The following ADCY5 variants were observed in gnomAD, a reference collection of about 807,000 sequenced individuals.
ADCY5 encodes adenylate cyclase 5.
In ADCY5, 30 loss-of-function variants were observed where a neutral mutation model predicts 119.7. That is an observed-to-expected ratio of 0.25 (90% CI 0.19 to 0.34). The LOEUF is 0.34. ADCY5 is among the 10% of genes least tolerant of loss of function. ADCY5 has a pLI of 1.00. For missense variants in ADCY5, 1,324 were observed against 1,775.2 expected (o/e 0.75, Z 4.57); for synonymous variants, 753 against 762.2 (o/e 0.99, Z 0.20).
In ADCY5 at chr3:123,284,049, CTGTG is replaced by C. The variant is rs898206917; in HGVS notation, c.*555_*558del. ...TTCTGTTTCCCTCCTAGGGCACTGTCTGTGTGCGTGGAGGTGTGGGCAGAGGACC... is the reference window on the plus strand; with the variant it reads ...TTCTGTTTCCCTCCTAGGGCACTGTCTGCGTGGAGGTGTGGGCAGAGGACC... On this transcript the variant is annotated 3_prime_UTR_variant, in exon 21 of 21. Coordinates refer to ENST00000462833, the MANE Select transcript of ADCY5 (RefSeq NM_183357.3). The C allele has an allele frequency of 6.6e-6, 1 of 152,580 alleles. No individual in the cohort carries two copies. The highest frequency in any genetic ancestry group is 1.5e-5 in the Non-Finnish European group (1 of 68,318). 9.5% of individuals were successfully genotyped at this position (152,580 alleles called of 1,614,324 possible).
At chr3:123,291,039 TTCACATCCCTCC>T (rs1247474852) in intron 18 of ADCY5, 62 bp downstream of exon 18, 28 of 1,527,292 alleles carry the variant, frequency 1.8e-5, no homozygotes, top group Non-Finnish European at 2.5e-5. Context: ...GCCAGGTCTC[TTCACATCCCTCC>T]CATACCAGGG....
intron 3 of ADCY5, among the ~76,000 whole-genome samples, chr3:123,334,701 GC>G: frequency 6.6e-6 from 1 of 152,280 alleles, no homozygotes; most frequent in East Asian, 1.9e-4. Flanking sequence ...CAGTGCCACT[GC>G]ACTCCAGCCT....
chr3:123,323,563 C>A (rs1941331272), intron 8 of ADCY5, among the ~76,000 whole-genome samples: 1 of 152,094 alleles, frequency 6.6e-6, no homozygotes, highest in Non-Finnish European at 1.5e-5. Flanking sequence ...TCCCCAGCTT[C>A]CCCTCCACTT....
At chr3:123,402,386 A>C (rs985062215) in intron 1 of ADCY5, among the ~76,000 whole-genome samples, 34 of 152,230 alleles carry the variant, frequency 2.2e-4, no homozygotes, top group Non-Finnish European at 4.3e-4. Flanking sequence ...TCTTGGGATC[A>C]AATCTGGCTG....
chr3:123,392,925 G>A (rs1296889735), intron 1 of ADCY5, among the ~76,000 whole-genome samples: 2 of 152,166 alleles, frequency 1.3e-5, no homozygotes, highest in Non-Finnish European at 2.9e-5. Context: ...GATTGTTCAA[G>A]TGGTGTCTGT....
intron 3 of ADCY5, among the ~76,000 whole-genome samples, chr3:123,343,395 G>A (rs114212879): frequency 0.031 from 4,752 of 152,244 alleles, 262 homozygotes; most frequent in African/African-American, 0.11. Flanking sequence ...TACAGGTGAG[G>A]AAACTGAGGC....
intron 3 of ADCY5, among the ~76,000 whole-genome samples, chr3:123,336,152 G>T (rs1246195288): frequency 4.6e-5 from 7 of 152,220 alleles, no homozygotes; most frequent in Admixed American, 4.6e-4. Context: ...TGGCCCAGAG[G>T]TAGACTATGC....
At chr3:123,284,804 A>C in intron 20 of ADCY5, 68 bp from the exon 21 acceptor site, 11 of 1,601,126 alleles carry the variant, frequency 6.9e-6, no homozygotes, top group Non-Finnish European at 8.5e-6. Flanking sequence ...TGTGGGGTAG[A>C]GCCACCTCTG....
intron 14 of ADCY5, 143 bp downstream of exon 14, chr3:123,302,912 A>T: frequency 3.2e-6 from 3 of 933,990 alleles, no homozygotes; most frequent in Non-Finnish European, 4.8e-6. Flanking sequence ...TGTAGGAGTG[A>T]GAGATACTGG....
In ADCY5 at chr3:123,369,426, G is replaced by GA. The variant is rs1332321958; in HGVS notation, c.1135-16846dup. 6.6e-5 allele frequency among the ~76,000 whole-genome samples: 10 copies of GA among 152,350 alleles called. No homozygotes were observed. The Middle Eastern group carries it at 0.017, about 259-fold the overall frequency. On this transcript the variant is annotated intron_variant, in intron 1 of 20. Coordinates refer to ENST00000462833, the MANE Select transcript of ADCY5 (RefSeq NM_183357.3). ...GCCCAGGCCCACATCAGAATTAAAT[G>GA]AAAGATGAGTGTGGTACTAACTGCC...
At chr3:123,323,945 G>A (rs1210805629) in intron 8 of ADCY5, among the ~76,000 whole-genome samples, 1 of 152,136 alleles carries the variant, frequency 6.6e-6, no homozygotes, top group African/African-American at 2.4e-5. Flanking sequence ...AAAGGGCTGG[G>A]GTGGCAATGG....
At chr3:123,362,430 G>A (rs1196130612) in intron 1 of ADCY5, among the ~76,000 whole-genome samples, 1 of 152,226 alleles carries the variant, frequency 6.6e-6, no homozygotes, top group Non-Finnish European at 1.5e-5. Flanking sequence ...TTACAAGGGA[G>A]AGAATGTCTT....
At chr3:123,358,326 C>T (rs1319438258) in intron 1 of ADCY5, among the ~76,000 whole-genome samples, 3 of 152,120 alleles carry the variant, frequency 2.0e-5, no homozygotes, top group East Asian at 1.9e-4. Flanking sequence ...AACAAGCAGC[C>T]GGATGCAGTG....
At chr3:123,358,727 A>G (rs1207313420) in intron 1 of ADCY5, among the ~76,000 whole-genome samples, 1 of 152,236 alleles carries the variant, frequency 6.6e-6, no homozygotes, top group Non-Finnish European at 1.5e-5. Context: ...TTGGAATTCT[A>G]TTCTCAGAGT....
At chr3:123,294,439 T>C (rs9844840) in intron 17 of ADCY5, among the ~76,000 whole-genome samples, 42,203 of 152,154 alleles carry the variant, frequency 0.28, 7,318 homozygotes, top group Non-Finnish European at 0.4. Flanking sequence ...CAGATGCTGG[T>C]TGAGCAGGCC....
At chr3:123,304,920 A>G (rs1940118241) in intron 12 of ADCY5, among the ~76,000 whole-genome samples, 1 of 152,028 alleles carries the variant, frequency 6.6e-6, no homozygotes, top group South Asian at 2.1e-4. Context: ...CATGCAACCT[A>G]GGCTGAAAAA....
intron 12 of ADCY5, among the ~76,000 whole-genome samples, chr3:123,306,926 G>A (rs1235659077): frequency 6.6e-6 from 1 of 152,204 alleles, no homozygotes; most frequent in Non-Finnish European, 1.5e-5. Flanking sequence ...AGAGAGTAAA[G>A]TGCTGTTACA....
intron 1 of ADCY5, among the ~76,000 whole-genome samples, chr3:123,434,939 G>A (rs1338337978): frequency 1.3e-5 from 2 of 152,164 alleles, no homozygotes; most frequent in African/African-American, 4.8e-5. Flanking sequence ...TCTCTGGCAA[G>A]GGCTATGTTT....
chr3:123,306,999 T>C (rs918505870), intron 12 of ADCY5, among the ~76,000 whole-genome samples: 14 of 152,048 alleles, frequency 9.2e-5, no homozygotes, highest in Non-Finnish European at 1.9e-4. Flanking sequence ...CAAAAGGCCA[T>C]GTGAGATTCC....
Sources: gnomAD v4.1 joint callset for allele counts (sites outside exome capture counted in the v4.1 genomes callset) on GRCh38, gnomAD v4.1.1 for gene constraint, MANE v1.5 for transcripts, NCBI Gene and HGNC (gene_info 2026-07-23, HGNC 2026-07-21) for gene names.